The following PTPRA variants were observed in gnomAD, a reference collection of about 807,000 sequenced individuals.
PTPRA encodes receptor-type tyrosine-protein phosphatase alpha.
Under a neutral mutation model 104.8 loss-of-function variants are expected in PTPRA, and 25 were observed. That is an observed-to-expected ratio of 0.24 (90% confidence interval 0.17 to 0.33). PTPRA has a LOEUF of 0.33. PTPRA is among the 10% of genes least tolerant of loss of function. The pLI is 1.00. For synonymous variants in PTPRA, 323 were observed against 368.9 expected (o/e 0.88, Z 1.43); for missense variants, 765 against 1,015.3 (o/e 0.75, Z 3.35).
intron 1 of PTPRA, among the ~76,000 whole-genome samples, chr20:2,917,085 G>A (rs1305401984): frequency 6.6e-6 from 1 of 151,010 alleles, no homozygotes; most frequent in African/African-American, 2.4e-5. Context: ...AGCCTCCCGA[G>A]TAGCTGGGAT....
Position 2,951,112 on chromosome 20 carries a change from T to C in PTPRA, c.-7+3088T>C, listed in dbSNP as rs142299580. Among the ~76,000 whole-genome samples the C allele has an allele frequency of 5.1e-3, 779 of 152,214 alleles. 5 individuals carry two copies. The highest frequency in any genetic ancestry group is 0.016 in the African/African-American group (685 of 41,516). On this transcript the variant is annotated intron_variant, in intron 3 of 23. Coordinates refer to ENST00000399903, the MANE Select transcript of PTPRA (RefSeq NM_001385305.1). ...TGTTTGTTTCTTTCTTTCTTTCTTT[T>C]TTTTTTAGACGGAGTCTCGCTTTGT...
intron 20 of PTPRA, among the ~76,000 whole-genome samples, chr20:3,028,346 T>C (rs1357840555): frequency 1.3e-5 from 2 of 152,076 alleles, no homozygotes; most frequent in Admixed American, 6.6e-5. Context: ...AAACTTACAG[T>C]CTAATATTCA....
At chr20:2,967,079 A>G (rs920377513) in intron 5 of PTPRA, among the ~76,000 whole-genome samples, 2 of 152,202 alleles carry the variant, frequency 1.3e-5, no homozygotes, top group Non-Finnish European at 2.9e-5. Flanking sequence ...TCCTTTTAAC[A>G]GATGCTTGAT....
At chr20:2,975,709 G>A (rs576336529) in intron 6 of PTPRA, among the ~76,000 whole-genome samples, 73 of 152,240 alleles carry the variant, frequency 4.8e-4, no homozygotes, top group African/African-American at 1.8e-3. Flanking sequence ...CTGAGATGTT[G>A]TGTCTGTGGT....
At chr20:2,940,172 T>C (rs1353815181) in intron 2 of PTPRA, among the ~76,000 whole-genome samples, 1 of 152,190 alleles carries the variant, frequency 6.6e-6, no homozygotes, top group Non-Finnish European at 1.5e-5. Context: ...GCTTACTCCA[T>C]CTTTTCCTGA....
At chr20:2,968,057 C>T (rs2062010650) in intron 5 of PTPRA, among the ~76,000 whole-genome samples, 1 of 152,144 alleles carries the variant, frequency 6.6e-6, no homozygotes, top group South Asian at 2.1e-4. Context: ...TGAGATTTCC[C>T]TTCTCTGTCA....
chr20:2,999,075 A>G (rs1039743407), intron 9 of PTPRA, among the ~76,000 whole-genome samples: 2 of 152,072 alleles, frequency 1.3e-5, no homozygotes, highest in Non-Finnish European at 1.5e-5. Context: ...ATGCATTTCT[A>G]TACATAGGCC....
Position 3,032,583 on chromosome 20 carries a change from T to C in PTPRA, c.1921-3002T>C, listed in dbSNP as rs369811480. 1.7e-3 allele frequency among the ~76,000 whole-genome samples: 252 copies of C among 151,848 alleles called. 4 individuals are homozygous for C. The highest frequency in any genetic ancestry group is 4.6e-3 in the East Asian group (24 of 5,172). On this transcript the variant is annotated intron_variant, in intron 20 of 23. Transcript: ENST00000399903. ...GAGATCGAGACCAGCCTGGCCAACA[T>C]GGCAAAACCCCATCTCTACTAAAAA...
At chr20:3,024,429 A>G (rs759967577) in intron 16 of PTPRA, 43 bp from the exon 17 acceptor site, 7 of 1,582,254 alleles carry the variant, frequency 4.4e-6, no homozygotes, top group South Asian at 1.1e-5. Context: ...CATGAGAACT[A>G]TGTTGTATGT....
At chr20:2,979,351 G>A (rs1031223855) in intron 6 of PTPRA, among the ~76,000 whole-genome samples, 1 of 151,958 alleles carries the variant, frequency 6.6e-6, no homozygotes, top group Non-Finnish European at 1.5e-5. Context: ...TTTCTTCTTT[G>A]GACTCTCCTG....
chr20:2,960,767 G>T (rs996419096), intron 3 of PTPRA, among the ~76,000 whole-genome samples: 1 of 151,746 alleles, frequency 6.6e-6, no homozygotes, highest in Non-Finnish European at 1.5e-5. Flanking sequence ...GAACTCCTGA[G>T]CTCAAGCAAT....
At chr20:3,030,669 C>A (rs2065395714) in intron 20 of PTPRA, among the ~76,000 whole-genome samples, 1 of 149,122 alleles carries the variant, frequency 6.7e-6, no homozygotes, top group Admixed American at 6.8e-5. Context: ...TTAATTATCT[C>A]CCTCTGCTTT....
intron 5 of PTPRA, among the ~76,000 whole-genome samples, chr20:2,966,766 C>T (rs1048630187): frequency 6.6e-6 from 1 of 152,194 alleles, no homozygotes; most frequent in Non-Finnish European, 1.5e-5. Flanking sequence ...GGTCATGACA[C>T]AATTCATGAA....
the PTPRA span, among the ~76,000 whole-genome samples, chr20:2,868,070 A>T: frequency 6.6e-5 from 10 of 152,292 alleles, no homozygotes; most frequent in African/African-American, 1.9e-4. Flanking sequence ...TTGCTAACTC[A>T]CACACTTGGT....
intron 11 of PTPRA, among the ~76,000 whole-genome samples, chr20:3,007,812 ATG>A (rs752955250): frequency 6.3e-5 from 8 of 126,106 alleles, no homozygotes; most frequent in African/African-American, 1.7e-4. Flanking sequence ...GTATGTATAT[ATG>A]TGTGTGTGTG....
intron 1 of PTPRA, among the ~76,000 whole-genome samples, chr20:2,911,880 A>G (rs900520244): frequency 2.0e-5 from 3 of 151,018 alleles, no homozygotes; most frequent in African/African-American, 7.3e-5. Flanking sequence ...GAAGTCAGTG[A>G]AAAAAAAAGA....
At chr20:2,955,330 C>G (rs2061497899) in intron 3 of PTPRA, among the ~76,000 whole-genome samples, 1 of 152,192 alleles carries the variant, frequency 6.6e-6, no homozygotes, top group Non-Finnish European at 1.5e-5. Flanking sequence ...TTGTAGTAAT[C>G]TGACTGACTC....
At chr20:2,988,269 C>G in intron 8 of PTPRA, 69 bp from the exon 9 acceptor site, 9 of 1,557,306 alleles carry the variant, frequency 5.8e-6, no homozygotes, top group African/African-American at 1.4e-5. Context: ...GGTAGAACCC[C>G]GTTTAGCCTC....
chr20:2,982,874 A>AT (rs2062744724), intron 6 of PTPRA, among the ~76,000 whole-genome samples: 1 of 151,732 alleles, frequency 6.6e-6, no homozygotes, highest in South Asian at 2.1e-4. Flanking sequence ...TTTTTTTTGT[A>AT]TTTTTAGTAG....
Sources: gnomAD v4.1 joint callset for allele counts (sites outside exome capture counted in the v4.1 genomes callset) on GRCh38, gnomAD v4.1.1 for gene constraint, MANE v1.5 for transcripts, NCBI Gene and HGNC (gene_info 2026-07-23, HGNC 2026-07-21) for gene names.